Variants in TF observed in about 807,000 individuals in gnomAD.
TF encodes transferrin, also known as serotransferrin.
TF carries 55 observed loss-of-function variants against 82.4 expected under a neutral mutation model. The ratio of observed to expected loss-of-function variants is 0.67; its 90% CI spans 0.54 to 0.84. TF has a LOEUF of 0.84. Among genes scored for constraint, TF ranks in the 40% least tolerant of loss-of-function variants. The probability of loss-of-function intolerance (pLI) is 0.00; values close to 1 mark genes in which losing one functional copy is unlikely to be tolerated. For missense variants in TF, 737 were observed against 868.4 expected (o/e 0.85, Z 1.90); for synonymous variants, 332 against 332.6 (o/e 1.00, Z 0.02).
chr3:133,781,924 C>CAAA lies in TF; in HGVS notation c.*3305_*3307dup, dbSNP rs1934523413. On this transcript the variant is annotated 3_prime_UTR_variant, in exon 17 of 17. Transcript: ENST00000402696. ...AAACTATATATCTAATAAGATACAA[C>CAAA]AAATTGATAAAGAACTCATACAACT... 6.6e-6 allele frequency: 1 copy of CAAA among 151,982 alleles called. No homozygotes were observed. The highest frequency in any genetic ancestry group is 1.5e-5 in the Non-Finnish European group (1 of 67,988). The allele number at this position is 151,982 out of a possible 1,614,324, so 9.4% of individuals were successfully genotyped here. A position where few individuals can be genotyped will look rare whatever the true frequency, so the allele number is the denominator to read the frequency against.
At chr3:133,728,690 C>T in the TF span, among the ~76,000 whole-genome samples, 1 of 152,202 alleles carries the variant, frequency 6.6e-6, no homozygotes, top group Admixed American at 6.5e-5. Context: ...TGTTCCGTTG[C>T]TGGTGAGGAA....
chr3:133,681,155 A>C, the TF span, among the ~76,000 whole-genome samples: 1 of 152,234 alleles, frequency 6.6e-6, no homozygotes, highest in Admixed American at 6.5e-5. Flanking sequence ...ACTGATTTTA[A>C]TGCCCCCACA....
At chr3:133,671,053 G>A in the TF span, among the ~76,000 whole-genome samples, 33 of 152,304 alleles carry the variant, frequency 2.2e-4, 1 homozygote, top group African/African-American at 6.0e-4. Context: ...GAAGTTCCAT[G>A]GAATGGGAGA....
chr3:133,729,047 G>C, the TF span, among the ~76,000 whole-genome samples: 6 of 152,182 alleles, frequency 3.9e-5, no homozygotes, highest in Non-Finnish European at 8.8e-5. Context: ...GGCCGTGTAA[G>C]GTGTCAGTCT....
the TF span, among the ~76,000 whole-genome samples, chr3:133,734,095 T>G: frequency 4.6e-5 from 7 of 152,218 alleles, no homozygotes; most frequent in East Asian, 1.4e-3. Flanking sequence ...AGCTAGAATA[T>G]CTGCAGTGCT....
chr3:133,721,530 T>C, the TF span, among the ~76,000 whole-genome samples: 4 of 152,226 alleles, frequency 2.6e-5, no homozygotes, highest in African/African-American at 9.6e-5. Flanking sequence ...GAATGTCCCA[T>C]GTGCAGTTGA....
chr3:133,753,751 T>A, intron 3 of TF, 48 bp downstream of exon 3: 1 of 1,441,924 alleles, frequency 6.9e-7, no homozygotes, highest in Non-Finnish European at 9.8e-7. Context: ...CCTTATTCTA[T>A]ATGCTGAGTG....
upstream of TF, among the ~76,000 whole-genome samples, chr3:133,743,862 C>T (rs1007972409): frequency 6.6e-6 from 1 of 152,198 alleles, no homozygotes; most frequent in African/African-American, 2.4e-5. Flanking sequence ...ATAGGCACCC[C>T]ATACAGCTAG....
At chr3:133,778,391 G>C (rs1304206171) in intron 16 of TF, 195 bp from the exon 17 acceptor site, 3 of 530,626 alleles carry the variant, frequency 5.7e-6, no homozygotes, top group African/African-American at 1.9e-5. Flanking sequence ...GCTTTGGCGT[G>C]GGGCACTCCC....
At chr3:133,702,770 A>G in the TF span, among the ~76,000 whole-genome samples, 1 of 152,164 alleles carries the variant, frequency 6.6e-6, no homozygotes, top group Non-Finnish European at 1.5e-5. Context: ...CAAACTTAGA[A>G]GGCTATGCAA....
chr3:133,762,970 T>A (rs1934032158), intron 9 of TF, among the ~76,000 whole-genome samples: 1 of 152,232 alleles, frequency 6.6e-6, no homozygotes, highest in Non-Finnish European at 1.5e-5. Flanking sequence ...TCTTAAGACA[T>A]CACCATTTTC....
chr3:133,708,534 G>C, the TF span, among the ~76,000 whole-genome samples: 1 of 152,036 alleles, frequency 6.6e-6, no homozygotes, highest in Non-Finnish European at 1.5e-5. Context: ...TCCCCAGGGA[G>C]AGTGACAGGC....
At chr3:133,732,684 G>GA in the TF span, among the ~76,000 whole-genome samples, 7 of 152,148 alleles carry the variant, frequency 4.6e-5, no homozygotes, top group African/African-American at 1.7e-4. Flanking sequence ...ACACCAGAAG[G>GA]AAAAAACTCC....
At chr3:133,664,225 A>G in the TF span, among the ~76,000 whole-genome samples, 2 of 152,262 alleles carry the variant, frequency 1.3e-5, no homozygotes, top group Non-Finnish European at 2.9e-5. Flanking sequence ...TGAAATGGTT[A>G]GTATCCACGG....
chr3:133,792,237 CG>C lies in TF; in HGVS notation c.*13618del, dbSNP rs1465463313. On this transcript the variant is annotated 3_prime_UTR_variant, in exon 17 of 17. Transcript: ENST00000402696. Reference sequence around the variant, plus strand: ...TTTTATATAAGAAAGGATCTTATATCGTAAATTCGTGTCCTAAAGTAAAATA... The same window carrying C: ...TTTTATATAAGAAAGGATCTTATATCTAAATTCGTGTCCTAAAGTAAAATA... 1 of 152,060 alleles carries C rather than the reference CG, an allele frequency of 6.6e-6. No individual in the cohort carries two copies. Among genetic ancestry groups the C allele is most frequent in the Non-Finnish European group, 1.5e-5 (1 of 68,026 alleles). 9.4% of individuals were successfully genotyped at this position (152,060 alleles called of 1,614,324 possible). A position where few individuals can be genotyped will look rare whatever the true frequency, so the allele number is the denominator to read the frequency against.
At chr3:133,741,083 C>T (rs758738504), upstream of TF, among the ~76,000 whole-genome samples, 2 of 150,204 alleles carry the variant, frequency 1.3e-5, no homozygotes, top group Non-Finnish European at 3.0e-5. Context: ...CCTCTGCCTC[C>T]CAGATTCAAG....
chr3:133,791,390 T>C lies in TF; in HGVS notation c.*12770T>C, dbSNP rs1934827214. 1 of 152,168 alleles carries C rather than the reference T, an allele frequency of 6.6e-6. No individual in the cohort carries two copies. Among genetic ancestry groups the C allele is most frequent in the South Asian group, 2.1e-4 (1 of 4,828 alleles). The allele number at this position is 152,168 out of a possible 1,614,324, so 9.4% of individuals were successfully genotyped here. A position where few individuals can be genotyped will look rare whatever the true frequency, so the allele number is the denominator to read the frequency against. ...TTTGCATATAGTCAAGCAGGGTTCC[T>C]AGGGCTGCTTTGGGAGACAGAACCC... On this transcript the variant is annotated 3_prime_UTR_variant, in exon 17 of 17. Transcript: ENST00000402696.
In TF at chr3:133,780,446, A is replaced by G. The variant is rs1934492350; in HGVS notation, c.*1826A>G. The G allele has an allele frequency of 6.6e-6, 1 of 152,236 alleles. No homozygotes were observed. Among genetic ancestry groups the G allele is most frequent in the Admixed American group, 6.5e-5 (1 of 15,284 alleles). 9.4% of individuals were successfully genotyped at this position (152,236 alleles called of 1,614,324 possible). On this transcript the variant is annotated 3_prime_UTR_variant, in exon 17 of 17. Coordinates refer to ENST00000402696, the MANE Select transcript of TF (RefSeq NM_001063.4). ...ATTCTTAATTATTAAATTAGTTACTAAAATAGGATAGACAGATGTTATTTG... is the reference window on the plus strand; with the variant it reads ...ATTCTTAATTATTAAATTAGTTACTGAAATAGGATAGACAGATGTTATTTG...
the TF span, among the ~76,000 whole-genome samples, chr3:133,728,607 C>G: frequency 6.6e-6 from 1 of 152,144 alleles, no homozygotes; most frequent in Non-Finnish European, 1.5e-5. Flanking sequence ...GAATTTCCTC[C>G]TGTAGCTTGG....
Sources: allele counts gnomAD v4.1 joint callset (sites outside exome capture counted in the v4.1 genomes callset), GRCh38; gene constraint gnomAD v4.1.1; transcripts MANE v1.5; gene names NCBI Gene and HGNC (gene_info 2026-07-23, HGNC 2026-07-21).